DPP6: variants seen among roughly 807,000 people sequenced by gnomAD.
DPP6 encodes A-type potassium channel modulatory protein DPP6.
In DPP6, 69 loss-of-function variants were observed where a neutral mutation model predicts 122.6. The ratio of observed to expected loss-of-function variants is 0.56; its 90% confidence interval spans 0.46 to 0.69. DPP6 has a LOEUF of 0.69. Ranked by LOEUF, DPP6 falls within the 30% of genes least tolerant of loss-of-function variation. The probability of loss-of-function intolerance (pLI) is 0.00; values close to 1 mark genes in which losing one functional copy is unlikely to be tolerated. For missense variants in DPP6, 928 were observed against 1,116.9 expected (o/e 0.83, Z 2.41); for synonymous variants, 418 against 433.1 (o/e 0.97, Z 0.43).
intron 1 of DPP6, among the ~76,000 whole-genome samples, chr7:154,219,755 T>C (rs1800199074): frequency 6.6e-6 from 1 of 152,042 alleles, no homozygotes; most frequent in Admixed American, 6.5e-5. Flanking sequence ...CTGGCTAATT[T>C]TTTGTGTTTT....
chr7:154,818,482 C>G (rs1563245880), intron 16 of DPP6, among the ~76,000 whole-genome samples: 1 of 152,178 alleles, frequency 6.6e-6, no homozygotes, highest in Non-Finnish European at 1.5e-5. Context: ...GCTAATAACT[C>G]ATGCCTAACC....
chr7:154,825,651 A>G (rs1584808928), intron 16 of DPP6, among the ~76,000 whole-genome samples: 1 of 152,168 alleles, frequency 6.6e-6, no homozygotes, highest in Admixed American at 6.5e-5. Flanking sequence ...GGACTTGCGC[A>G]TGGCTAGTTA....
intron 1 of DPP6, among the ~76,000 whole-genome samples, chr7:154,016,296 A>G (rs992556093): frequency 1.3e-5 from 2 of 152,294 alleles, no homozygotes; most frequent in African/African-American, 4.8e-5. Context: ...TTAGAGAAGG[A>G]CATTGTCTAT....
intron 1 of DPP6, among the ~76,000 whole-genome samples, chr7:154,106,537 A>C (rs983819556): frequency 1.5e-5 from 2 of 134,746 alleles, no homozygotes; most frequent in Admixed American, 1.6e-4. Flanking sequence ...GTTCTTGTGG[A>C]GGTAAGAGGC....
chr7:153,932,778 ACTTT>A (rs1801232469), intron 1 of DPP6, among the ~76,000 whole-genome samples: 1 of 152,182 alleles, frequency 6.6e-6, no homozygotes, highest in African/African-American at 2.4e-5. Flanking sequence ...ACCTACCATG[ACTTT>A]CTTTGTTTCC....
intron 18 of DPP6, among the ~76,000 whole-genome samples, chr7:154,869,349 G>C (rs1384187839): frequency 2.6e-5 from 4 of 152,244 alleles, no homozygotes; most frequent in Non-Finnish European, 4.4e-5. Context: ...AACAAAAACA[G>C]GTCCCCCAAA....
chr7:153,900,429 C>T (rs1799597076), intron 1 of DPP6, among the ~76,000 whole-genome samples: 1 of 152,132 alleles, frequency 6.6e-6, no homozygotes, highest in South Asian at 2.1e-4. Flanking sequence ...GTACAAGAAG[C>T]ACAGGCACCA....
At position 154,604,681 on chromosome 7, in the gene DPP6, C is replaced by T. The variant is rs1231304705; in HGVS notation, c.628-33140C>T. 3.3e-5 allele frequency among the ~76,000 whole-genome samples: 4 copies of T among 120,910 alleles called. 1 individual carries two copies. Among genetic ancestry groups the T allele is most frequent in the Non-Finnish European group, 7.5e-5 (4 of 53,556 alleles). The allele number at this position is 120,910 out of a possible 152,430, so 79.3% of individuals were successfully genotyped here. On this transcript the variant is annotated intron_variant, in intron 5 of 25. Transcript: ENST00000377770. ...GGGTAAATTAGTGCTTCTTTTTAAT[C>T]ACACACTTTGCATTGAGTGTTACCA...
intron 12 of DPP6, among the ~76,000 whole-genome samples, chr7:154,799,627 A>G (rs1362813940): frequency 1.3e-5 from 2 of 152,192 alleles, no homozygotes; most frequent in Non-Finnish European, 2.9e-5. Context: ...GAACCATGGG[A>G]AAAAAACACT....
At chr7:154,290,659 A>T (rs571317597) in intron 1 of DPP6, among the ~76,000 whole-genome samples, 1 of 151,990 alleles carries the variant, frequency 6.6e-6, no homozygotes, top group East Asian at 1.9e-4. Flanking sequence ...AAAAAAAAAA[A>T]AAAATTCCCT....
the DPP6 span, among the ~76,000 whole-genome samples, chr7:153,809,521 C>T: frequency 6.6e-6 from 1 of 152,172 alleles, no homozygotes; most frequent in East Asian, 1.9e-4. Context: ...GGTAACACTT[C>T]CGTAATTCCT....
chr7:153,871,320 C>T, the DPP6 span, among the ~76,000 whole-genome samples: 1 of 152,216 alleles, frequency 6.6e-6, no homozygotes, highest in Non-Finnish European at 1.5e-5. Context: ...TTCCCGGCTG[C>T]TTTGTTTACC....
intron 1 of DPP6, among the ~76,000 whole-genome samples, chr7:154,060,081 C>T (rs1346891530): frequency 2.7e-5 from 4 of 149,870 alleles, no homozygotes; most frequent in Non-Finnish European, 6.0e-5. Context: ...CTCTTGGGAC[C>T]ACCATCGCAG....
intron 1 of DPP6, among the ~76,000 whole-genome samples, chr7:154,065,924 G>C (rs1027055032): frequency 6.6e-6 from 1 of 151,946 alleles, no homozygotes; most frequent in Non-Finnish European, 1.5e-5. Context: ...TATCCCACTG[G>C]CCTTAAGCAG....
intron 1 of DPP6, among the ~76,000 whole-genome samples, chr7:153,999,821 T>C (rs562625168): frequency 4.6e-4 from 70 of 152,254 alleles, no homozygotes; most frequent in Non-Finnish European, 8.2e-4. Context: ...TAGCTGGGCA[T>C]GGTGGTATGT....
intron 1 of DPP6, among the ~76,000 whole-genome samples, chr7:154,064,263 T>C (rs1802525637): frequency 6.6e-6 from 1 of 152,166 alleles, no homozygotes; most frequent in African/African-American, 2.4e-5. Context: ...CACTGGCCCG[T>C]CCTGCCATCT....
intron 7 of DPP6, among the ~76,000 whole-genome samples, chr7:154,671,930 A>G (rs1441791786): frequency 1.3e-5 from 2 of 151,888 alleles, no homozygotes; most frequent in Non-Finnish European, 2.9e-5. Context: ...TCACCGTGCA[A>G]TCTCCCAGCA....
chr7:154,078,231 G>T (rs1448643987), intron 1 of DPP6, among the ~76,000 whole-genome samples: 2 of 152,052 alleles, frequency 1.3e-5, no homozygotes, highest in Non-Finnish European at 2.9e-5. Flanking sequence ...GAATCCTTCA[G>T]AAATTTTAGC....
intron 1 of DPP6, among the ~76,000 whole-genome samples, chr7:154,321,297 A>C (rs1191582237): frequency 1.3e-5 from 2 of 151,756 alleles, no homozygotes; most frequent in African/African-American, 4.8e-5. Flanking sequence ...AAAAGAAAAA[A>C]TGCTATAATT....
Sources: allele counts gnomAD v4.1 joint callset (sites outside exome capture counted in the v4.1 genomes callset), GRCh38; gene constraint gnomAD v4.1.1; transcripts MANE v1.5; gene names NCBI Gene and HGNC (gene_info 2026-07-23, HGNC 2026-07-21).